Variants in KCNIP4 observed in about 807,000 individuals in gnomAD.
The protein encoded by KCNIP4 is Kv channel-interacting protein 4.
KCNIP4 carries 12 observed loss-of-function variants against 34.0 expected under a neutral mutation model. The ratio of observed to expected loss-of-function variants is 0.35; its 90% CI spans 0.23 to 0.57. The LOEUF is 0.57. Ranked by LOEUF, KCNIP4 falls within the 20% of genes least tolerant of loss-of-function variation. KCNIP4 has a pLI of 0.83. For missense variants in KCNIP4, 238 were observed against 311.7 expected (o/e 0.76, Z 1.78); for synonymous variants, 124 against 102.2 (o/e 1.21, Z -1.29).
At chr4:21,101,235 C>T (rs1747915006) in intron 1 of KCNIP4, among the ~76,000 whole-genome samples, 1 of 152,138 alleles carries the variant, frequency 6.6e-6, no homozygotes, top group Non-Finnish European at 1.5e-5. Context: ...TGGGTTATTT[C>T]ACTTAGGATA....
At chr4:21,623,385 A>G (rs1745114017) in intron 1 of KCNIP4, among the ~76,000 whole-genome samples, 1 of 152,216 alleles carries the variant, frequency 6.6e-6, no homozygotes, top group South Asian at 2.1e-4. Flanking sequence ...TGCCGTATTC[A>G]TCTTGGCATT....
At chr4:20,819,403 G>A (rs1560488708) in intron 3 of KCNIP4, among the ~76,000 whole-genome samples, 1 of 152,110 alleles carries the variant, frequency 6.6e-6, no homozygotes, top group Non-Finnish European at 1.5e-5. Flanking sequence ...CAAACCAATT[G>A]TTCAATGGAA....
At chr4:21,528,540 G>A (rs1258252966) in intron 1 of KCNIP4, among the ~76,000 whole-genome samples, 1 of 151,398 alleles carries the variant, frequency 6.6e-6, no homozygotes, top group Non-Finnish European at 1.5e-5. Context: ...GGTGGCGGGC[G>A]CCTATAGTCC....
intron 1 of KCNIP4, among the ~76,000 whole-genome samples, chr4:21,198,085 T>C (rs1756189248): frequency 6.6e-6 from 1 of 152,196 alleles, no homozygotes; most frequent in Non-Finnish European, 1.5e-5. Flanking sequence ...TACATATGAG[T>C]AATTTTCAGA....
At chr4:21,339,426 G>C (rs180728453) in intron 1 of KCNIP4, among the ~76,000 whole-genome samples, 1 of 152,126 alleles carries the variant, frequency 6.6e-6, no homozygotes, top group Non-Finnish European at 1.5e-5. Flanking sequence ...AAAACAACTC[G>C]TCAACATAAT....
At chr4:21,336,767 G>T (rs532591171) in intron 1 of KCNIP4, among the ~76,000 whole-genome samples, 2 of 152,062 alleles carry the variant, frequency 1.3e-5, no homozygotes, top group Admixed American at 6.5e-5. Context: ...GTAATATGAA[G>T]GGATGGACAG....
chr4:20,765,031 TCA>T (rs1755276853), intron 3 of KCNIP4, among the ~76,000 whole-genome samples: 1 of 152,172 alleles, frequency 6.6e-6, no homozygotes, highest in African/African-American at 2.4e-5. Context: ...CTTGTTTGAG[TCA>T]CACAGGTTTT....
At chr4:21,702,815 A>G (rs1196633888) in intron 1 of KCNIP4, among the ~76,000 whole-genome samples, 1 of 152,154 alleles carries the variant, frequency 6.6e-6, no homozygotes, top group Non-Finnish European at 1.5e-5. Context: ...TAAAGTATAG[A>G]CAAATATCTC....
chr4:21,522,355 C>A (rs949806972), intron 1 of KCNIP4, among the ~76,000 whole-genome samples: 3 of 151,744 alleles, frequency 2.0e-5, no homozygotes, highest in Non-Finnish European at 2.9e-5. Flanking sequence ...TTTTCACCTG[C>A]CACCGTATAT....
chr4:21,099,092 A>G (rs1307183624), intron 1 of KCNIP4, among the ~76,000 whole-genome samples: 1 of 152,220 alleles, frequency 6.6e-6, no homozygotes, highest in African/African-American at 2.4e-5. Context: ...CAGAAATATC[A>G]TTTGACTCAG....
intron 1 of KCNIP4, among the ~76,000 whole-genome samples, chr4:21,936,354 T>C (rs887699524): frequency 6.6e-6 from 1 of 152,112 alleles, no homozygotes; most frequent in African/African-American, 2.4e-5. Context: ...TGCTGCCATG[T>C]AAGATGTGGT....
At chr4:21,083,076 A>C (rs559169344) in intron 1 of KCNIP4, among the ~76,000 whole-genome samples, 1 of 151,894 alleles carries the variant, frequency 6.6e-6, no homozygotes, top group Non-Finnish European at 1.5e-5. Context: ...CAAAGGCTGC[A>C]GTCTTTACCC....
chr4:21,571,169 G>A (rs1007003927), intron 1 of KCNIP4, among the ~76,000 whole-genome samples: 14 of 152,158 alleles, frequency 9.2e-5, no homozygotes, highest in East Asian at 5.8e-4. Context: ...TTACTTCTCC[G>A]CCTTCTCACT....
intron 1 of KCNIP4, among the ~76,000 whole-genome samples, chr4:20,945,359 G>C (rs796765188): frequency 3.3e-5 from 5 of 152,262 alleles, no homozygotes; most frequent in African/African-American, 1.2e-4. Context: ...TAGAATTCCA[G>C]GACTCGAATT....
intron 1 of KCNIP4, among the ~76,000 whole-genome samples, chr4:20,960,706 A>G (rs750257021): frequency 9.9e-5 from 15 of 152,222 alleles, no homozygotes; most frequent in South Asian, 6.2e-4. Context: ...CAGCACCTAC[A>G]AAGTGCTGGT....
chr4:21,875,487 A>G (rs1444558850), intron 1 of KCNIP4, among the ~76,000 whole-genome samples: 3 of 152,182 alleles, frequency 2.0e-5, no homozygotes, highest in Non-Finnish European at 4.4e-5. Context: ...GACATGTTGC[A>G]CTTAGTACTC....
At chr4:21,269,455 G>C (rs1206759592) in intron 1 of KCNIP4, among the ~76,000 whole-genome samples, 1 of 152,014 alleles carries the variant, frequency 6.6e-6, no homozygotes, top group African/African-American at 2.4e-5. Flanking sequence ...GTCCAGGTTG[G>C]AGTGCAGTGG....
rs150044339 is a variant in KCNIP4, at chr4:20,767,899, T to C, written c.289-9009A>G. Reference sequence around the variant, plus strand: ...CATGATACCTGTAATGCCACATCTCTTAGGCATCTGTATATTTCACCAACT... The same window carrying C: ...CATGATACCTGTAATGCCACATCTCCTAGGCATCTGTATATTTCACCAACT... On this transcript the variant is annotated intron_variant, in intron 3 of 8. Transcript: ENST00000382152. 5.0e-3 allele frequency among the ~76,000 whole-genome samples: 765 copies of C among 152,356 alleles called. 6 individuals are homozygous for C. Among genetic ancestry groups the C allele is most frequent in the South Asian group, 0.016 (77 of 4,830 alleles).
intron 2 of KCNIP4, among the ~76,000 whole-genome samples, chr4:20,860,636 CATTTT>C (rs1394895397): frequency 1.3e-5 from 2 of 152,146 alleles, no homozygotes; most frequent in Non-Finnish European, 1.5e-5. Context: ...CTAATGTTTA[CATTTT>C]ATTAAATTGG....
Sources: allele counts gnomAD v4.1 joint callset (sites outside exome capture counted in the v4.1 genomes callset), GRCh38; gene constraint gnomAD v4.1.1; transcripts MANE v1.5; gene names NCBI Gene and HGNC (gene_info 2026-07-23, HGNC 2026-07-21).